Variants in ZFYVE28 observed in about 807,000 individuals in gnomAD.
ZFYVE28 encodes the protein zinc finger FYVE-type containing 28.
Under a neutral mutation model 82.1 loss-of-function variants are expected in ZFYVE28, and 40 were observed. The ratio of observed to expected loss-of-function variants is 0.49; its 90% CI spans 0.38 to 0.63. The LOEUF is 0.63. ZFYVE28 is among the 30% of genes least tolerant of loss of function. The probability of loss-of-function intolerance (pLI) is 0.00; values close to 1 mark genes in which losing one functional copy is unlikely to be tolerated. For synonymous variants in ZFYVE28, 612 were observed against 546.1 expected, an observed-to-expected ratio of 1.12 and a Z score of -1.68; for missense variants, 1,321 against 1,242.1, an observed-to-expected ratio of 1.06 and a Z score of -0.96.
In ZFYVE28 at chr4:2,304,662, G is replaced by A; in HGVS notation, c.1678C>T (p.Leu560Phe). ...CCACAGCACACGCAGGAATGCAGAA[G>A]GCAGTTGGTGGCCCCAGTGCTAAGC... ...HKLSTGATNC[L>F]LHSCVCCGSC... The change falls in exon 8 of 13, where the codon CTT becomes TTT. Residue 560 changes from leucine to phenylalanine, a missense_variant. By Grantham distance (22) the Leu-to-Phe change is conservative. Around this residue, in one of 2 missense-constraint regions of ZFYVE28, gnomAD observed 978 missense variants for 833.7 expected, o/e 1.17. Transcript: ENST00000290974. The A allele has an allele frequency of 6.2e-7, 1 of 1,612,634 alleles. No individual in the cohort carries two copies. The highest frequency in any genetic ancestry group is 1.1e-5 in the South Asian group (1 of 91,074).
At chr4:2,355,234 A>AAAATGAT (rs1725091651) in intron 1 of ZFYVE28, among the ~76,000 whole-genome samples, 2 of 34,648 alleles carry the variant, frequency 5.8e-5, no homozygotes, top group Admixed American at 2.9e-4. Flanking sequence ...ATATATATAT[A>AAAATGAT]TATATATATA....
intron 1 of ZFYVE28, among the ~76,000 whole-genome samples, chr4:2,414,485 G>A (rs28631877): frequency 0.021 from 3,153 of 152,290 alleles, 85 homozygotes; most frequent in African/African-American, 0.066. Flanking sequence ...CCTACAAAGC[G>A]GGGGGACAAG....
chr4:2,339,082 G>C lies in ZFYVE28; in HGVS notation c.521+371C>G, dbSNP rs1722330358. Reference sequence around the variant, plus strand: ...CTGCCTCGGCCTCTCAACGTGCTGGGATTACAGGCGTGAGCCACCGCACCC... The same window carrying C: ...CTGCCTCGGCCTCTCAACGTGCTGGCATTACAGGCGTGAGCCACCGCACCC... On this transcript the variant is annotated intron_variant, in intron 4 of 12. Coordinates refer to ENST00000290974, the MANE Select transcript of ZFYVE28 (RefSeq NM_020972.3). The surrounding 1 kb of genome is among the most constrained non-coding windows in gnomAD (Gnocchi z 5.0). Among the ~76,000 whole-genome samples the C allele has an allele frequency of 6.6e-6, 1 of 152,148 alleles. No homozygotes were observed. The highest frequency in any genetic ancestry group is 2.4e-5 in the African/African-American group (1 of 41,426).
chr4:2,410,450 CTTTCTT>C (rs1175637411), intron 1 of ZFYVE28, among the ~76,000 whole-genome samples: 1 of 91,206 alleles, frequency 1.1e-5, no homozygotes, highest in Non-Finnish European at 2.0e-5. Flanking sequence ...AACATCCTCC[CTTTCTT>C]TTTTTTTTTT....
chr4:2,319,628 C>T (rs779616095), intron 7 of ZFYVE28, among the ~76,000 whole-genome samples: 4 of 152,204 alleles, frequency 2.6e-5, no homozygotes, highest in Admixed American at 2.0e-4. Context: ...CAGGAAGCCA[C>T]GGCTGGGCTC....
chr4:2,350,654 G>A (rs913375384), intron 2 of ZFYVE28, among the ~76,000 whole-genome samples: 1 of 152,180 alleles, frequency 6.6e-6, no homozygotes, highest in Admixed American at 6.5e-5. Flanking sequence ...GCATGTTAGA[G>A]GGTTGGGACT....
intron 12 of ZFYVE28, 76 bp downstream of exon 12, chr4:2,271,234 TG>T: frequency 6.8e-7 from 1 of 1,463,232 alleles, no homozygotes. Context: ...GCATCGGTTC[TG>T]ACTTCCAGAC....
At chr4:2,303,823 C>G (rs1716014258) in intron 8 of ZFYVE28, among the ~76,000 whole-genome samples, 2 of 152,248 alleles carry the variant, frequency 1.3e-5, no homozygotes, top group Non-Finnish European at 2.9e-5. Context: ...CTCGTTTCAG[C>G]CCGGTGTGAG....
chr4:2,356,431 CCT>C (rs869297356), intron 1 of ZFYVE28, among the ~76,000 whole-genome samples: 1 of 31,932 alleles, frequency 3.1e-5, no homozygotes, highest in African/African-American at 8.6e-5. Context: ...GTGCCCGCCC[CCT>C]CCCCGGCCGT....
At chr4:2,365,853 G>T (rs779828410) in intron 1 of ZFYVE28, among the ~76,000 whole-genome samples, 2 of 152,210 alleles carry the variant, frequency 1.3e-5, no homozygotes, top group Non-Finnish European at 2.9e-5. Flanking sequence ...ACACAAGCAC[G>T]CATGTTTGTT....
At chr4:2,390,587 G>A (rs929923510) in intron 1 of ZFYVE28, among the ~76,000 whole-genome samples, 28 of 152,184 alleles carry the variant, frequency 1.8e-4, no homozygotes, top group African/African-American at 6.5e-4. Context: ...TTCCAGAAAT[G>A]TCCCCAGAAT....
chr4:2,299,651 A>AAG (rs1160182465), intron 8 of ZFYVE28, among the ~76,000 whole-genome samples: 14 of 120,948 alleles, frequency 1.2e-4, no homozygotes, highest in South Asian at 3.1e-4. Flanking sequence ...GAGGGGAGGG[A>AAG]GGGAGGAAGG....
chr4:2,305,123 A>C lies in ZFYVE28; in HGVS notation c.1217T>G (p.Val406Gly). ...GGCCAGGGCTTCTGCCGTCCCCTCCACGTCATCCATGAAGAACACGCGCTC... is the reference window on the plus strand; with the variant it reads ...GGCCAGGGCTTCTGCCGTCCCCTCCCCGTCATCCATGAAGAACACGCGCTC... Reference protein sequence around the residue: ...EEERVFFMDDVEGTAEALARP... With the variant: ...EEERVFFMDDGEGTAEALARP... The change falls in exon 8 of 13, where the codon GTG (valine) becomes GGG (glycine). Residue 406 changes from valine to glycine, a missense_variant. Val to Gly is a moderately radical substitution (Grantham distance 109). Coordinates refer to ENST00000290974, the MANE Select transcript of ZFYVE28 (RefSeq NM_020972.3). 1 of 1,593,372 alleles carries C rather than the reference A, an allele frequency of 6.3e-7. No homozygotes were observed. Among genetic ancestry groups the C allele is most frequent in the Non-Finnish European group, 8.6e-7 (1 of 1,168,728 alleles).
intron 1 of ZFYVE28, among the ~76,000 whole-genome samples, chr4:2,410,655 C>T (rs905803374): frequency 6.0e-4 from 91 of 151,994 alleles, no homozygotes; most frequent in African/African-American, 2.2e-3. Context: ...GCCACCACAC[C>T]CGGCTAATTT....
intron 8 of ZFYVE28, chr4:2,295,655 C>T: frequency 6.5e-6 from 1 of 153,188 alleles, no homozygotes; most frequent in Non-Finnish European, 1.5e-5. Flanking sequence ...TCCTTCCCAG[C>T]ACCTCGGCCC....
intron 7 of ZFYVE28, among the ~76,000 whole-genome samples, chr4:2,313,978 C>T (rs1717863686): frequency 6.6e-6 from 1 of 151,898 alleles, no homozygotes; most frequent in African/African-American, 2.4e-5. Context: ...CCTGTTAGTT[C>T]CATCAGTTAT....
chr4:2,323,320 T>C (rs1490926915), intron 6 of ZFYVE28, among the ~76,000 whole-genome samples: 4 of 152,234 alleles, frequency 2.6e-5, no homozygotes, highest in Non-Finnish European at 5.9e-5. Flanking sequence ...CATCTTTTCA[T>C]GTGCCTGTTG....
chr4:2,364,525 G>A (rs1189933636), intron 1 of ZFYVE28: 2 of 985,496 alleles, frequency 2.0e-6, no homozygotes, highest in Non-Finnish European at 2.4e-6. Context: ...ATCCTCCACA[G>A]CCCAGACGCA....
Position 2,335,632 on chromosome 4 carries a change from A to C in ZFYVE28, c.701+73T>G, listed in dbSNP as rs1267379175. 7.0e-7 allele frequency: 1 copy of C among 1,432,728 alleles called. No homozygotes were observed. Among genetic ancestry groups the C allele is most frequent in the Non-Finnish European group, 9.6e-7 (1 of 1,043,762 alleles). 88.8% of individuals were successfully genotyped at this position (1,432,728 alleles called of 1,614,324 possible). A position where few individuals can be genotyped will look rare whatever the true frequency, so the allele number is the denominator to read the frequency against. On this transcript the variant is annotated intron_variant, in intron 6 of 12. Transcript: ENST00000290974. The surrounding 1 kb of genome is among the most constrained non-coding windows in gnomAD (Gnocchi z 5.8). ...GGAGACGCCATGGACCGGCACCCGCACGGGACCTGGCACCATCAGCCCTGC... is the reference window on the plus strand; with the variant it reads ...GGAGACGCCATGGACCGGCACCCGCCCGGGACCTGGCACCATCAGCCCTGC...
Sources: allele counts gnomAD v4.1 joint callset (sites outside exome capture counted in the v4.1 genomes callset), GRCh38; gene constraint gnomAD v4.1.1; regional missense constraint gnomAD v4.1.1; non-coding constraint Gnocchi (gnomAD v3.1); transcripts MANE v1.5; gene names NCBI Gene and HGNC (gene_info 2026-07-23, HGNC 2026-07-21).